The following DCDC1 variants were observed in gnomAD, a reference collection of about 807,000 sequenced individuals.
DCDC1 encodes the protein doublecortin domain-containing protein 1.
DCDC1 carries 200 observed loss-of-function variants against 178.3 expected under a neutral mutation model. That is an observed-to-expected ratio of 1.12 (90% CI 1.00 to 1.26). The LOEUF is 1.26. Among genes scored for constraint, DCDC1 ranks in the 50% most tolerant of loss-of-function variants. DCDC1 has a pLI of 0.00. For synonymous variants in DCDC1, 690 were observed against 604.8 expected (o/e 1.14, Z -2.07); for missense variants, 1,983 against 1,749.2 (o/e 1.13, Z -2.38).
chr11:31,086,229 A>T (rs1474979021), intron 17 of DCDC1, among the ~76,000 whole-genome samples: 1 of 152,200 alleles, frequency 6.6e-6, no homozygotes, highest in Non-Finnish European at 1.5e-5. Context: ...TGAGAGTTCT[A>T]GTTGTACCAC....
intron 8 of DCDC1, among the ~76,000 whole-genome samples, chr11:31,250,424 ATATATG>A (rs1316043713): frequency 6.2e-4 from 75 of 120,836 alleles, no homozygotes; most frequent in South Asian, 2.7e-3. Context: ...ACATATACAT[ATATATG>A]TATATATATA....
intron 1 of DCDC1, among the ~76,000 whole-genome samples, chr11:31,357,836 CA>C (rs1263076832): frequency 6.6e-6 from 1 of 151,470 alleles, no homozygotes; most frequent in Non-Finnish European, 1.5e-5. Flanking sequence ...CTCCCATTCA[CA>C]ATTGCTTCAA....
At chr11:31,337,393 G>A (rs1316558964) in intron 1 of DCDC1, among the ~76,000 whole-genome samples, 1 of 152,212 alleles carries the variant, frequency 6.6e-6, no homozygotes, top group African/African-American at 2.4e-5. Context: ...CCCTGGTTGG[G>A]TGTGATGGCT....
intron 27 of DCDC1, among the ~76,000 whole-genome samples, chr11:30,915,232 T>C (rs1283320158): frequency 1.3e-5 from 2 of 152,184 alleles, no homozygotes; most frequent in South Asian, 2.1e-4. Flanking sequence ...GCAAGTTCAG[T>C]CTTGAGCCCA....
chr11:31,282,547 T>A (rs552866668), intron 7 of DCDC1, among the ~76,000 whole-genome samples: 1 of 152,208 alleles, frequency 6.6e-6, no homozygotes, highest in African/African-American at 2.4e-5. Flanking sequence ...CTAATTTAAT[T>A]CTTTTGCAGC....
intron 10 of DCDC1, among the ~76,000 whole-genome samples, chr11:31,131,296 G>T (rs1030382603): frequency 6.6e-6 from 1 of 152,002 alleles, no homozygotes; most frequent in Non-Finnish European, 1.5e-5. Flanking sequence ...GGAAGAAAGA[G>T]AAAGAAGATG....
chr11:31,019,823 C>T (rs1270561390), intron 20 of DCDC1, among the ~76,000 whole-genome samples: 1 of 152,110 alleles, frequency 6.6e-6, no homozygotes, highest in Admixed American at 6.6e-5. Context: ...CCAAGACCCT[C>T]CTTGCTTCAG....
At chr11:30,962,233 A>G (rs1298632377) in intron 20 of DCDC1, among the ~76,000 whole-genome samples, 4 of 152,058 alleles carry the variant, frequency 2.6e-5, no homozygotes. Flanking sequence ...ATTAAACATT[A>G]TTCTACTTTA....
intron 8 of DCDC1, among the ~76,000 whole-genome samples, chr11:31,242,485 AATG>A (rs1977278001): frequency 6.6e-6 from 1 of 151,928 alleles, no homozygotes; most frequent in Admixed American, 6.6e-5. Flanking sequence ...AGAAAAAGTA[AATG>A]ATATTTTTCT....
At chr11:31,051,841 A>G (rs1352858625) in intron 20 of DCDC1, among the ~76,000 whole-genome samples, 1 of 152,236 alleles carries the variant, frequency 6.6e-6, no homozygotes, top group Non-Finnish European at 1.5e-5. Context: ...ATCTTGAAAC[A>G]AATCCTAGAA....
intron 1 of DCDC1, among the ~76,000 whole-genome samples, chr11:31,353,995 T>C (rs1014610904): frequency 6.6e-6 from 1 of 152,134 alleles, no homozygotes; most frequent in Non-Finnish European, 1.5e-5. Flanking sequence ...TGAGTTAAAA[T>C]ATGAGTCAAA....
chr11:31,326,614 A>C (rs1336279033), intron 3 of DCDC1, among the ~76,000 whole-genome samples: 3 of 152,142 alleles, frequency 2.0e-5, no homozygotes, highest in Admixed American at 2.0e-4. Flanking sequence ...TCATTTTTTT[A>C]AAAGCTGCAC....
chr11:31,013,907 G>A (rs998036797), intron 20 of DCDC1, among the ~76,000 whole-genome samples: 2 of 152,156 alleles, frequency 1.3e-5, no homozygotes, highest in African/African-American at 4.8e-5. Flanking sequence ...AAACCATCAG[G>A]GCAGGAAATA....
intron 1 of DCDC1, among the ~76,000 whole-genome samples, chr11:31,349,757 T>A (rs1441347819): frequency 1.3e-5 from 2 of 152,124 alleles, no homozygotes; most frequent in African/African-American, 4.8e-5. Context: ...CCCAGCTACC[T>A]TGGGAGGCTG....
intron 20 of DCDC1, among the ~76,000 whole-genome samples, chr11:31,029,711 T>C (rs1953493796): frequency 6.6e-6 from 1 of 152,172 alleles, no homozygotes; most frequent in South Asian, 2.1e-4. Flanking sequence ...TACCTGATAC[T>C]TCTTTATAAC....
intron 17 of DCDC1, among the ~76,000 whole-genome samples, chr11:31,079,814 G>T (rs1326037732): frequency 6.6e-6 from 1 of 152,188 alleles, no homozygotes; most frequent in African/African-American, 2.4e-5. Flanking sequence ...AGGTTAGAGA[G>T]AGTAGATAAG....
chr11:31,132,899 A>C (rs1439108610), intron 10 of DCDC1, among the ~76,000 whole-genome samples: 1 of 152,220 alleles, frequency 6.6e-6, no homozygotes, highest in Non-Finnish European at 1.5e-5. Flanking sequence ...TTCTGGTGAG[A>C]AAACAAACCC....
At chr11:30,993,823 C>A (rs752140643) in intron 20 of DCDC1, among the ~76,000 whole-genome samples, 5 of 152,036 alleles carry the variant, frequency 3.3e-5, no homozygotes, top group Non-Finnish European at 5.9e-5. Context: ...TTTTCCAGAA[C>A]AGAAAAGTAC....
intron 22 of DCDC1, among the ~76,000 whole-genome samples, chr11:30,927,607 A>G (rs956646565): frequency 6.6e-6 from 1 of 152,148 alleles, no homozygotes; most frequent in Non-Finnish European, 1.5e-5. Context: ...CTCCTAATCC[A>G]GTGGTCTTTC....
Sources: gnomAD v4.1 joint callset for allele counts (sites outside exome capture counted in the v4.1 genomes callset) on GRCh38, gnomAD v4.1.1 for gene constraint, MANE v1.5 for transcripts, NCBI Gene and HGNC (gene_info 2026-07-23, HGNC 2026-07-21) for gene names.